The following ZHX2 variants were observed in gnomAD, a reference collection of about 807,000 sequenced individuals.
The protein encoded by ZHX2 is zinc fingers and homeoboxes 2.
Under a neutral mutation model 21.9 loss-of-function variants are expected in ZHX2, and 6 were observed. That is an observed-to-expected ratio of 0.27 (90% CI 0.15 to 0.54). The LOEUF is 0.54. Among genes scored for constraint, ZHX2 ranks in the 20% least tolerant of loss-of-function variants. The probability of loss-of-function intolerance (pLI) is 0.95; values close to 1 mark genes in which losing one functional copy is unlikely to be tolerated. For missense variants in ZHX2, 908 were observed against 1,090.7 expected (o/e 0.83, Z 2.36); for synonymous variants, 434 against 437.1 (o/e 0.99, Z 0.09).
At chr8:122,932,163 G>T (rs952772958) in intron 2 of ZHX2, among the ~76,000 whole-genome samples, 1 of 152,180 alleles carries the variant, frequency 6.6e-6, no homozygotes, top group Non-Finnish European at 1.5e-5. Flanking sequence ...CTTCTCCAGG[G>T]CTGCTGGAGG....
chr8:122,782,806 G>A lies in ZHX2; in HGVS notation c.-283+860G>A, dbSNP rs1368103589. Reference sequence around the variant, plus strand: ...AGCTGGCCGGAGCCTCTGCCAGCCCGAGCCCACGTTCGCCCCCCTGAACGG... The same window carrying A: ...AGCTGGCCGGAGCCTCTGCCAGCCCAAGCCCACGTTCGCCCCCCTGAACGG... On this transcript the variant is annotated intron_variant, in intron 1 of 3. Transcript: ENST00000314393. This position sits in a 1 kb window ranked among gnomAD's most constrained non-coding sequence, Gnocchi z 5.3. 6.6e-6 allele frequency among the ~76,000 whole-genome samples: 1 copy of A among 152,180 alleles called. No homozygotes were observed. Among genetic ancestry groups the A allele is most frequent in the Admixed American group, 6.5e-5 (1 of 15,288 alleles).
intron 1 of ZHX2, among the ~76,000 whole-genome samples, chr8:122,812,405 G>T (rs911003926): frequency 2.0e-5 from 3 of 152,154 alleles, no homozygotes; most frequent in African/African-American, 7.2e-5. Flanking sequence ...GAGATACATT[G>T]CCAAAAGCCC....
At chr8:122,804,356 A>G (rs892656549) in intron 1 of ZHX2, among the ~76,000 whole-genome samples, 1 of 151,922 alleles carries the variant, frequency 6.6e-6, no homozygotes, top group Admixed American at 6.6e-5. Context: ...TGATCCACCC[A>G]CCTCGGCATC....
At chr8:122,944,842 G>A (rs1210153455) in intron 2 of ZHX2, among the ~76,000 whole-genome samples, 14 of 152,154 alleles carry the variant, frequency 9.2e-5, no homozygotes, top group Admixed American at 6.5e-5. Context: ...CTATGCCTCC[G>A]AATGTGACTG....
chr8:122,785,312 G>A (rs1171993700), intron 1 of ZHX2, among the ~76,000 whole-genome samples: 1 of 152,190 alleles, frequency 6.6e-6, no homozygotes, highest in Non-Finnish European at 1.5e-5. Context: ...AACGGGGTGA[G>A]GGGTAAAGGG....
chr8:122,815,250 A>C (rs547186814), intron 1 of ZHX2, among the ~76,000 whole-genome samples: 2 of 152,372 alleles, frequency 1.3e-5, no homozygotes, highest in Non-Finnish European at 2.9e-5. Flanking sequence ...TACAATAGGC[A>C]CAGTGCCTAG....
intron 2 of ZHX2, among the ~76,000 whole-genome samples, chr8:122,932,874 C>T (rs941579284): frequency 6.6e-6 from 1 of 152,010 alleles, no homozygotes; most frequent in Admixed American, 6.6e-5. Flanking sequence ...TAAAGAGATG[C>T]CGAAACACAG....
intron 2 of ZHX2, among the ~76,000 whole-genome samples, chr8:122,874,530 AC>A (rs1263015372): frequency 6.6e-5 from 10 of 152,198 alleles, no homozygotes; most frequent in East Asian, 3.9e-4. Context: ...ATGGGGTTTC[AC>A]CACGATGGCC....
chr8:122,953,862 G>T lies in ZHX2; in HGVS notation c.2352G>T (p.Glu784Asp), dbSNP rs1357143318. 6.2e-7 allele frequency: 1 copy of T among 1,614,100 alleles called. No individual in the cohort carries two copies. The highest frequency in any genetic ancestry group is 1.3e-5 in the African/African-American group (1 of 74,958). ...GSSRDGQGSDENEESSVVDYV... is the reference protein window; with the variant it reads ...GSSRDGQGSDDNEESSVVDYV... ...GCCGGGACGGCCAGGGTAGCGACGA[G>T]AACGAGGAGTCGAGCGTTGTGGATT... Residue 784 changes from glutamate (E) to aspartate (D), a missense_variant, in exon 3 of 4, where the codon GAG becomes GAT. By Grantham distance (45) the Glu-to-Asp change is conservative (BLOSUM62 2). Around this residue, in one of 4 missense-constraint regions of ZHX2, gnomAD observed 431 missense variants for 428.6 expected, o/e 1.01. Transcript: ENST00000314393. The surrounding 1 kb of genome is among the most constrained non-coding windows in gnomAD (Gnocchi z 4.6).
intron 1 of ZHX2, among the ~76,000 whole-genome samples, chr8:122,831,798 T>C (rs1818384361): frequency 6.6e-6 from 1 of 152,204 alleles, no homozygotes; most frequent in Non-Finnish European, 1.5e-5. Context: ...TCTTTCCAGA[T>C]GGATGAGTGT....
rs1332373599 is a variant in ZHX2, at chr8:122,831,260, C to T, written c.-282-32217C>T. 3.4e-5 allele frequency among the ~76,000 whole-genome samples: 5 copies of T among 148,326 alleles called. No homozygotes were observed. In the East Asian group the frequency reaches 8.2e-4, roughly 24 times the overall value. ...CCAATCTTGCCCAGGTACCTGGCCT[C>T]GGGCTTGGTGGGTAGGAAAAGGCGG... is the stretch of plus-strand genomic sequence containing the variant. On this transcript the variant is annotated intron_variant, in intron 1 of 3. Transcript: ENST00000314393.
chr8:122,841,227 C>T (rs1051713646), intron 1 of ZHX2, among the ~76,000 whole-genome samples: 21 of 152,124 alleles, frequency 1.4e-4, no homozygotes, highest in African/African-American at 1.2e-4. Context: ...AACTCTCAAA[C>T]GGTGGAGCAG....
rs1167047842 is a variant in ZHX2, at chr8:122,945,347, G to A, written c.-219-5945G>A. The stretch of plus-strand genomic sequence containing the variant: ...ATGGAAGAAGCACCTTGTGGCGAAG[G>A]GAAGAGCCTTGCACAGACACCAGAA... On this transcript the variant is annotated intron_variant, in intron 2 of 3. Coordinates refer to ENST00000314393, the MANE Select transcript of ZHX2 (RefSeq NM_014943.5). Among the ~76,000 whole-genome samples the A allele has an allele frequency of 8.2e-5, 12 of 147,174 alleles. No homozygotes were observed. In the East Asian group the frequency reaches 2.3e-3, roughly 28 times the overall value.
At position 122,951,551 on chromosome 8, in the gene ZHX2, G is replaced by T. The variant is rs140571061; in HGVS notation, c.41G>T (p.Arg14Leu). 6.2e-7 allele frequency: 1 copy of T among 1,613,278 alleles called. No individual in the cohort carries two copies. Among genetic ancestry groups the T allele is most frequent in the Non-Finnish European group, 8.5e-7 (1 of 1,179,848 alleles). Residue 14 changes from arginine to leucine, a missense_variant, in exon 3 of 4, where the codon CGG becomes CTG. Transcript: ENST00000314393. ...AAATCTACAACTCCATGCATGGTTC[G>T]GACATCACAAGTAGTAGAACAAGAT... ...KRKSTTPCMV[R>L]TSQVVEQDVP...
chr8:122,870,828 C>T (rs370942901), intron 2 of ZHX2, among the ~76,000 whole-genome samples: 132 of 152,136 alleles, frequency 8.7e-4, no homozygotes, highest in African/African-American at 3.1e-3. Context: ...GGGGAACTCA[C>T]TCCAGAGCAC....
intron 1 of ZHX2, among the ~76,000 whole-genome samples, chr8:122,786,742 A>G (rs1270541052): frequency 6.9e-6 from 1 of 145,122 alleles, no homozygotes; most frequent in Non-Finnish European, 1.5e-5. Context: ...ACACACATGC[A>G]CTCATTTTGT....
chr8:122,850,043 C>A (rs1439707498), intron 1 of ZHX2, among the ~76,000 whole-genome samples: 1 of 152,200 alleles, frequency 6.6e-6, no homozygotes. Context: ...TCCCAGTCTT[C>A]AATAGCTCAG....
chr8:122,909,111 T>C (rs888136591), intron 2 of ZHX2, among the ~76,000 whole-genome samples: 3 of 152,198 alleles, frequency 2.0e-5, no homozygotes, highest in African/African-American at 7.2e-5. Context: ...GATTTGGGTG[T>C]AGTAGCTAAG....
intron 1 of ZHX2, among the ~76,000 whole-genome samples, chr8:122,860,262 C>G (rs889444403): frequency 6.6e-6 from 1 of 152,200 alleles, no homozygotes; most frequent in African/African-American, 2.4e-5. Flanking sequence ...TTACCTCCAC[C>G]TGGTCTCTCC....
Sources: gnomAD v4.1 joint callset for allele counts (sites outside exome capture counted in the v4.1 genomes callset) on GRCh38, gnomAD v4.1.1 for gene constraint, gnomAD v4.1.1 regional missense constraint, Gnocchi (gnomAD v3.1) non-coding constraint, MANE v1.5 for transcripts, NCBI Gene and HGNC (gene_info 2026-07-23, HGNC 2026-07-21) for gene names.